The following CCNYL1 variants were observed in gnomAD, a reference collection of about 807,000 sequenced individuals.
CCNYL1 encodes cyclin Y like 1, also known as cyclin-Y-like protein 1.
Under a neutral mutation model 44.2 loss-of-function variants are expected in CCNYL1, and 16 were observed. The observed-to-expected ratio is 0.36, with a 90% CI of 0.25 to 0.55. CCNYL1 has a LOEUF of 0.55. Ranked by LOEUF, CCNYL1 falls within the 20% of genes least tolerant of loss-of-function variation. The pLI, the probability that CCNYL1 is intolerant of heterozygous loss-of-function variation, is 0.85. For missense variants in CCNYL1, 348 were observed against 451.8 expected (o/e 0.77, Z 2.08); for synonymous variants, 159 against 163.2 (o/e 0.97, Z 0.20).
rs1332763665 is a variant in CCNYL1 at position 207,750,938 on chromosome 2, T to G, written c.807-19T>G. On this transcript the variant is annotated intron_variant, in intron 8 of 9. Coordinates refer to ENST00000295414, the MANE Select transcript of CCNYL1 (RefSeq NM_001330218.2). ...TGACATTGTCCTGTGCTGGTTCTGT[T>G]GTGTTCTTCCTCCTCCAGGAATGAA... 21 of 1,610,942 alleles carry G rather than the reference T, an allele frequency of 1.3e-5. No homozygotes were observed. Among genetic ancestry groups the G allele is most frequent in the Non-Finnish European group, 1.8e-5 (21 of 1,178,602 alleles).
chr2:207,722,773 G>A (rs933198007), intron 1 of CCNYL1, among the ~76,000 whole-genome samples: 6 of 151,948 alleles, frequency 3.9e-5, no homozygotes, highest in Non-Finnish European at 8.8e-5. Flanking sequence ...AGCCTGGCCA[G>A]CATGGTGAAA....
At chr2:207,743,370 G>A (rs2091826290) in intron 7 of CCNYL1, among the ~76,000 whole-genome samples, 1 of 152,182 alleles carries the variant, frequency 6.6e-6, no homozygotes, top group Admixed American at 6.5e-5. Flanking sequence ...TCATTTGAAT[G>A]TACCGGACTG....
intron 9 of CCNYL1, 111 bp downstream of exon 9, chr2:207,751,230 T>A: frequency 1.1e-6 from 1 of 942,308 alleles, no homozygotes; most frequent in Non-Finnish European, 1.6e-6. Context: ...TAAAATTAAC[T>A]AACACTGAAG....
chr2:207,712,403 G>A (rs1367207474), intron 1 of CCNYL1, among the ~76,000 whole-genome samples: 1 of 152,188 alleles, frequency 6.6e-6, no homozygotes, highest in African/African-American at 2.4e-5. Flanking sequence ...TTGTAGCTCT[G>A]TTCATTGTCT....
At chr2:207,734,397 G>A (rs896649488) in intron 4 of CCNYL1, among the ~76,000 whole-genome samples, 4 of 152,206 alleles carry the variant, frequency 2.6e-5, no homozygotes, top group South Asian at 2.1e-4. Context: ...ATGAGTTACA[G>A]GTCTCAAACA....
At chr2:207,738,039 T>C (rs1028881191) in intron 5 of CCNYL1, among the ~76,000 whole-genome samples, 3 of 152,154 alleles carry the variant, frequency 2.0e-5, no homozygotes, top group African/African-American at 7.2e-5. Flanking sequence ...ACTTTTATTT[T>C]AGATACAGTG....
At chr2:207,745,408 C>T (rs147583907) in intron 7 of CCNYL1, among the ~76,000 whole-genome samples, 2 of 152,206 alleles carry the variant, frequency 1.3e-5, no homozygotes, top group East Asian at 1.9e-4. Context: ...CCAGCTTACC[C>T]GTAAAGGCAA....
chr2:207,732,139 A>G (rs1158360323), intron 3 of CCNYL1, among the ~76,000 whole-genome samples: 1 of 152,102 alleles, frequency 6.6e-6, no homozygotes, highest in Non-Finnish European at 1.5e-5. Context: ...AATGTATTTG[A>G]ATGAGTCAGT....
At chr2:207,721,041 G>A (rs763716210) in intron 1 of CCNYL1, among the ~76,000 whole-genome samples, 1 of 152,134 alleles carries the variant, frequency 6.6e-6, no homozygotes, top group Non-Finnish European at 1.5e-5. Context: ...CTTACCTGAT[G>A]GGTGGAACGT....
At chr2:207,739,586 G>GA (rs368351977) in intron 5 of CCNYL1, among the ~76,000 whole-genome samples, 33 of 150,878 alleles carry the variant, frequency 2.2e-4, no homozygotes, top group Admixed American at 1.7e-3. Context: ...GATATTCTGT[G>GA]AAAAAAAAAT....
At chr2:207,714,974 G>A (rs1488572685) in intron 1 of CCNYL1, 1 of 152,178 alleles carries the variant, frequency 6.6e-6, no homozygotes, top group African/African-American at 2.4e-5. Context: ...TTCTTACTGA[G>A]ATGTAAAACA....
rs1440727040 is a variant in CCNYL1, at chr2:207,752,743, CACATGCCTGAGAGTG to C, written c.970-844_970-830del. ...TGTATTTCTAGGCTGGGCTCAGTGG[CACATGCCTGAGAGTG>C]GCTCATGCCTCAGAGGCTCATTCCT... On this transcript the variant is annotated intron_variant, in intron 9 of 9. Coordinates refer to ENST00000295414, the MANE Select transcript of CCNYL1 (RefSeq NM_001330218.2). 3.3e-5 allele frequency among the ~76,000 whole-genome samples: 5 copies of C among 152,140 alleles called. No individual in the cohort carries two copies. In the East Asian group the frequency reaches 9.7e-4, roughly 30 times the overall value.
intron 5 of CCNYL1, among the ~76,000 whole-genome samples, chr2:207,739,189 A>G (rs576236089): frequency 1.3e-5 from 2 of 152,212 alleles, no homozygotes; most frequent in South Asian, 4.2e-4. Context: ...TGCAACAAAT[A>G]GTGTTATTTT....
chr2:207,751,398 C>T (rs1000296213), intron 9 of CCNYL1, among the ~76,000 whole-genome samples: 1 of 152,160 alleles, frequency 6.6e-6, no homozygotes, highest in Non-Finnish European at 1.5e-5. Flanking sequence ...TCCTTTTGAA[C>T]TTCTACCCTT....
At chr2:207,740,619 G>GAATTAACTTCTTC (rs776821582) in intron 5 of CCNYL1, 36 bp from the exon 6 acceptor site, 1 of 1,399,476 alleles carries the variant, frequency 7.1e-7, no homozygotes, top group Admixed American at 1.7e-5. Context: ...AACAATTCCT[G>GAATTAACTTCTTC]AATTAACTTC....
In CCNYL1 at chr2:207,712,096, G is replaced by A; in HGVS notation, c.200G>A (p.Ser67Asn). Residue 67 changes from serine (S) to asparagine (N), a missense_variant, in exon 1 of 10, where the codon AGC (serine) becomes AAC (asparagine). Ser to Asn is a conservative substitution (Grantham distance 46, BLOSUM62 1). Transcript: ENST00000295414. ...EGEGHHLQHI[S>N]DREMPEDLAL... ...GAGGGCCACCACCTGCAGCACATCA[G>A]CGACCGCGAGATGCCCGAAGGTAAG... 1.3e-6 allele frequency: 2 copies of A among 1,599,572 alleles called. No homozygotes were observed. The highest frequency in any genetic ancestry group is 1.7e-6 in the Non-Finnish European group (2 of 1,174,046).
chr2:207,727,474 C>T (rs1470373061), intron 3 of CCNYL1, among the ~76,000 whole-genome samples: 1 of 152,180 alleles, frequency 6.6e-6, no homozygotes, highest in Non-Finnish European at 1.5e-5. Context: ...TCCACTAGCT[C>T]ACACAGCCAA....
At chr2:207,740,012 G>T (rs1256833786) in intron 5 of CCNYL1, among the ~76,000 whole-genome samples, 6 of 151,984 alleles carry the variant, frequency 3.9e-5, no homozygotes, top group African/African-American at 1.5e-4. Context: ...ATTCTTAAAA[G>T]AACAGTTTTG....
At chr2:207,750,623 T>C (rs1415358016) in intron 8 of CCNYL1, 3 of 186,688 alleles carry the variant, frequency 1.6e-5, no homozygotes, top group African/African-American at 7.0e-5. Context: ...ATTCCTTTCA[T>C]CTGATCACTA....
Sources: gnomAD v4.1 joint callset for allele counts (sites outside exome capture counted in the v4.1 genomes callset) on GRCh38, gnomAD v4.1.1 for gene constraint, MANE v1.5 for transcripts, NCBI Gene and HGNC (gene_info 2026-07-23, HGNC 2026-07-21) for gene names.